The following TENM3 variants were observed in gnomAD, a reference collection of about 807,000 sequenced individuals.
TENM3 encodes teneurin transmembrane protein 3, also known as teneurin-3.
In TENM3, 63 loss-of-function variants were observed where a neutral mutation model predicts 255.1. The observed-to-expected ratio is 0.25, with a 90% CI of 0.20 to 0.30. The LOEUF is 0.30. TENM3 is among the 10% of genes least tolerant of loss of function. TENM3 has a pLI of 1.00. For missense variants in TENM3, 2,929 were observed against 3,461.1 expected (o/e 0.85, Z 3.86); for synonymous variants, 1,306 against 1,322.3 (o/e 0.99, Z 0.27).
At chr4:182,489,645 C>A (rs1231959026) in intron 3 of TENM3, among the ~76,000 whole-genome samples, 1 of 152,148 alleles carries the variant, frequency 6.6e-6, no homozygotes, top group Non-Finnish European at 1.5e-5. Flanking sequence ...TTTCATGAAA[C>A]CTTTGCTTAC....
At chr4:182,607,475 CTATTCA>C (rs777646228) in intron 4 of TENM3, among the ~76,000 whole-genome samples, 24 of 152,292 alleles carry the variant, frequency 1.6e-4, no homozygotes, top group Non-Finnish European at 2.8e-4. Flanking sequence ...TGAAAGGCAA[CTATTCA>C]TATCCTTGAA....
the TENM3 span, among the ~76,000 whole-genome samples, chr4:182,133,388 G>T: frequency 6.6e-6 from 1 of 152,034 alleles, no homozygotes; most frequent in Non-Finnish European, 1.5e-5. Flanking sequence ...CATTTTTTTT[G>T]ATATATTTAT....
At chr4:182,643,186 T>C (rs1288350919) in intron 5 of TENM3, among the ~76,000 whole-genome samples, 1 of 152,234 alleles carries the variant, frequency 6.6e-6, no homozygotes, top group East Asian at 1.9e-4. Context: ...GTATTTTTCT[T>C]ATTTTTTTCT....
the TENM3 span, among the ~76,000 whole-genome samples, chr4:181,715,221 T>C: frequency 2.6e-5 from 4 of 152,344 alleles, no homozygotes; most frequent in South Asian, 8.3e-4. Flanking sequence ...AGAAGCTCTA[T>C]TTCTTTTTGT....
At chr4:181,591,616 G>A in the TENM3 span, among the ~76,000 whole-genome samples, 2 of 152,218 alleles carry the variant, frequency 1.3e-5, no homozygotes, top group Admixed American at 6.5e-5. Context: ...GAGGTGAACA[G>A]CAGTTGAGCG....
the TENM3 span, among the ~76,000 whole-genome samples, chr4:181,497,549 A>G: frequency 6.6e-6 from 1 of 152,208 alleles, no homozygotes; most frequent in East Asian, 1.9e-4. Flanking sequence ...TAATGCCTGA[A>G]TAAAGTGATC....
At chr4:181,878,118 G>A in the TENM3 span, among the ~76,000 whole-genome samples, 27 of 152,276 alleles carry the variant, frequency 1.8e-4, no homozygotes, top group South Asian at 5.6e-3. Context: ...ACCCATTCTA[G>A]TTGTCTGCTC....
the TENM3 span, among the ~76,000 whole-genome samples, chr4:182,098,355 A>T: frequency 6.6e-6 from 1 of 152,230 alleles, no homozygotes; most frequent in East Asian, 1.9e-4. Flanking sequence ...GAGAAAGGAA[A>T]TCAGTATATC....
chr4:181,663,516 G>C, the TENM3 span, among the ~76,000 whole-genome samples: 1 of 152,156 alleles, frequency 6.6e-6, no homozygotes, highest in Non-Finnish European at 1.5e-5. Flanking sequence ...AAATATTACA[G>C]TTTGGTTAAC....
At chr4:182,650,969 C>T (rs1439849212) in intron 5 of TENM3, among the ~76,000 whole-genome samples, 1 of 148,424 alleles carries the variant, frequency 6.7e-6, no homozygotes, top group East Asian at 2.1e-4. Flanking sequence ...ATAGCTCTCC[C>T]AACATAAACA....
At chr4:182,289,875 C>T (rs1580038328) in intron 1 of TENM3, among the ~76,000 whole-genome samples, 3 of 152,124 alleles carry the variant, frequency 2.0e-5, no homozygotes, top group Admixed American at 2.0e-4. Flanking sequence ...GGGTTGCCCG[C>T]GGCTCCACCC....
chr4:182,519,201 A>T (rs1017254621), intron 3 of TENM3, among the ~76,000 whole-genome samples: 2 of 152,296 alleles, frequency 1.3e-5, no homozygotes, highest in African/African-American at 4.8e-5. Flanking sequence ...AATTATTGTT[A>T]TGTATTGATT....
chr4:181,458,624 G>A, the TENM3 span, among the ~76,000 whole-genome samples: 1 of 151,788 alleles, frequency 6.6e-6, no homozygotes, highest in South Asian at 2.1e-4. Context: ...ATGACCACTT[G>A]GCCTCCCCAC....
chr4:181,798,521 C>A, the TENM3 span, among the ~76,000 whole-genome samples: 1 of 152,034 alleles, frequency 6.6e-6, no homozygotes, highest in African/African-American at 2.4e-5. Flanking sequence ...GGAAAAGGCC[C>A]CTGTGAGTTC....
chr4:182,778,931 AAT>A (rs1354289529), intron 24 of TENM3, among the ~76,000 whole-genome samples: 1 of 145,052 alleles, frequency 6.9e-6, no homozygotes, highest in Non-Finnish European at 1.5e-5. Flanking sequence ...TGTGTGTATA[AAT>A]ATATATTTTT....
At chr4:182,016,005 C>G in the TENM3 span, among the ~76,000 whole-genome samples, 1 of 152,118 alleles carries the variant, frequency 6.6e-6, no homozygotes, top group East Asian at 1.9e-4. Flanking sequence ...TTCATAAATC[C>G]GTCTTGACTG....
rs143881445 is a variant in TENM3 at position 182,745,222 on chromosome 4, C to T, written c.3629+1803C>T. ...GCTGTCGCATATCAGGGTGACCAAACCTGGCCCCATGATCTTTTCCTGAGA... is the reference window on the plus strand; with the variant it reads ...GCTGTCGCATATCAGGGTGACCAAATCTGGCCCCATGATCTTTTCCTGAGA... On this transcript the variant is annotated intron_variant, in intron 19 of 27. Coordinates refer to ENST00000511685, the MANE Select transcript of TENM3 (RefSeq NM_001080477.4). 8.4e-4 allele frequency among the ~76,000 whole-genome samples: 128 copies of T among 152,332 alleles called. 1 individual carries two copies. The highest frequency in any genetic ancestry group is 2.0e-3 in the Admixed American group (30 of 15,302).
At chr4:182,386,830 C>T (rs1435895912) in intron 3 of TENM3, among the ~76,000 whole-genome samples, 2 of 152,228 alleles carry the variant, frequency 1.3e-5, no homozygotes, top group Non-Finnish European at 2.9e-5. Context: ...CCTGAGCCTT[C>T]CCCCGCCTCC....
At chr4:182,131,285 T>A in the TENM3 span, among the ~76,000 whole-genome samples, 1 of 152,198 alleles carries the variant, frequency 6.6e-6, no homozygotes, top group African/African-American at 2.4e-5. Flanking sequence ...TATCAGTGAT[T>A]GCAGATCACA....
Sources: gnomAD v4.1 joint callset for allele counts (sites outside exome capture counted in the v4.1 genomes callset) on GRCh38, gnomAD v4.1.1 for gene constraint, MANE v1.5 for transcripts, NCBI Gene and HGNC (gene_info 2026-07-23, HGNC 2026-07-21) for gene names.